Variants in GRIA1 observed in about 807,000 individuals in gnomAD.
The protein encoded by GRIA1 is glutamate receptor 1.
Under a neutral mutation model 99.2 loss-of-function variants are expected in GRIA1, and 31 were observed. The observed-to-expected ratio is 0.31, with a 90% confidence interval of 0.23 to 0.42. The LOEUF (loss-of-function observed/expected upper bound fraction) is 0.42, where lower values mean the gene tolerates loss of function less well. Among genes scored for constraint, GRIA1 ranks in the 10% least tolerant of loss-of-function variants. The probability of loss-of-function intolerance (pLI) is 1.00; values close to 1 mark genes in which losing one functional copy is unlikely to be tolerated. For synonymous variants in GRIA1, 438 were observed against 432.4 expected, an observed-to-expected ratio of 1.01 and a Z score of -0.16; for missense variants, 782 against 1,157.5, an observed-to-expected ratio of 0.68 and a Z score of 4.71.
intron 2 of GRIA1, among the ~76,000 whole-genome samples, chr5:153,541,894 C>G (rs1314053021): frequency 2.2e-5 from 3 of 137,490 alleles, no homozygotes; most frequent in African/African-American, 7.9e-5. Context: ...CACGCCACTG[C>G]ACACCAGCCG....
At chr5:153,697,700 G>A (rs1231795941) in intron 8 of GRIA1, among the ~76,000 whole-genome samples, 3 of 152,106 alleles carry the variant, frequency 2.0e-5, no homozygotes, top group East Asian at 3.8e-4. Flanking sequence ...GGGAAAGAGG[G>A]GTTTGACCCT....
intron 8 of GRIA1, among the ~76,000 whole-genome samples, chr5:153,695,159 A>T (rs1561775527): frequency 6.6e-6 from 1 of 152,274 alleles, no homozygotes; most frequent in East Asian, 1.9e-4. Flanking sequence ...TAGATCATTT[A>T]ATCTCCCTAA....
intron 2 of GRIA1, among the ~76,000 whole-genome samples, chr5:153,622,686 T>C (rs1767171662): frequency 6.6e-6 from 1 of 152,226 alleles, no homozygotes; most frequent in South Asian, 2.1e-4. Context: ...TTTTATTGAA[T>C]ATCATATCAC....
chr5:153,585,677 G>T (rs542345169), intron 2 of GRIA1, among the ~76,000 whole-genome samples: 176 of 152,132 alleles, frequency 1.2e-3, no homozygotes, highest in African/African-American at 3.9e-3. Flanking sequence ...TATAAATCAG[G>T]CTTATTGCCC....
At chr5:153,665,537 A>T (rs914891348) in intron 5 of GRIA1, among the ~76,000 whole-genome samples, 6 of 152,228 alleles carry the variant, frequency 3.9e-5, no homozygotes, top group Non-Finnish European at 5.9e-5. Flanking sequence ...CTAAAATAGG[A>T]AAATGTGAAG....
At chr5:153,492,963 A>G (rs1754066328) in intron 1 of GRIA1, among the ~76,000 whole-genome samples, 1 of 152,206 alleles carries the variant, frequency 6.6e-6, no homozygotes, top group African/African-American at 2.4e-5. Flanking sequence ...TTATGTTTGG[A>G]CTGTGATTAC....
chr5:153,638,831 A>T (rs1284074788), intron 2 of GRIA1, among the ~76,000 whole-genome samples: 1 of 152,228 alleles, frequency 6.6e-6, no homozygotes, highest in Non-Finnish European at 1.5e-5. Flanking sequence ...GGAGACTTTC[A>T]GTTTATAGCT....
chr5:153,622,614 C>T (rs1421021766), intron 2 of GRIA1, among the ~76,000 whole-genome samples: 1 of 152,216 alleles, frequency 6.6e-6, no homozygotes. Flanking sequence ...AGCTCCATAG[C>T]AGGCTTTCTT....
intron 2 of GRIA1, among the ~76,000 whole-genome samples, chr5:153,522,131 C>A (rs1435056364): frequency 6.6e-6 from 1 of 152,210 alleles, no homozygotes; most frequent in Non-Finnish European, 1.5e-5. Context: ...TGGAATTAAA[C>A]TGCCTTAGGT....
Position 153,659,789 on chromosome 5 carries a change from T to C in GRIA1, c.699+3917T>C, listed in dbSNP as rs148133530. On this transcript the variant is annotated intron_variant, in intron 5 of 15. Transcript: ENST00000285900. ...GAAAGCACATATTTTAAAATTCTCA[T>C]AGAGAACTAGAAGATTGGGAGAATT... is the stretch of plus-strand genomic sequence containing the variant. Among the ~76,000 whole-genome samples, 1,157 of 152,284 alleles carry C rather than the reference T, an allele frequency of 7.6e-3. 13 individuals are homozygous for C. The highest frequency in any genetic ancestry group is 0.039 in the East Asian group (204 of 5,186).
At chr5:153,780,994 G>A (rs56161084) in intron 13 of GRIA1, among the ~76,000 whole-genome samples, 13,351 of 152,184 alleles carry the variant, frequency 0.088, 823 homozygotes, top group Non-Finnish European at 0.12. Flanking sequence ...TCGGAGGGCA[G>A]GCAGAAAGGA....
chr5:153,532,161 A>G (rs1008105473), intron 2 of GRIA1, among the ~76,000 whole-genome samples: 6 of 152,166 alleles, frequency 3.9e-5, no homozygotes, highest in African/African-American at 1.4e-4. Context: ...AGCTGAAAGT[A>G]TGTTTTTTCC....
Position 153,650,574 on chromosome 5 carries a change from A to G in GRIA1, c.645+60A>G, listed in dbSNP as rs1754490064. On this transcript the variant is annotated intron_variant, in intron 4 of 15. Coordinates refer to ENST00000285900, the MANE Select transcript of GRIA1 (RefSeq NM_000827.4). ...GGAGGTGATTCAGGAATAGCCAGACACACTTTTGCCTTGGGTGTTATAAAG... is the reference window on the plus strand; with the variant it reads ...GGAGGTGATTCAGGAATAGCCAGACGCACTTTTGCCTTGGGTGTTATAAAG... 28 of 1,527,596 alleles carry G rather than the reference A, an allele frequency of 1.8e-5. No homozygotes were observed. The South Asian group carries it at 3.1e-4, about 17-fold the overall frequency. The allele number at this position is 1,527,596 out of a possible 1,614,324, so 94.6% of individuals were successfully genotyped here.
intron 2 of GRIA1, among the ~76,000 whole-genome samples, chr5:153,615,674 AG>A (rs546161910): frequency 6.6e-6 from 1 of 152,138 alleles, no homozygotes; most frequent in Non-Finnish European, 1.5e-5. Flanking sequence ...AAAAAATAAA[AG>A]TAAACGCCAC....
chr5:153,659,856 T>C (rs192784891), intron 5 of GRIA1, among the ~76,000 whole-genome samples: 2 of 152,318 alleles, frequency 1.3e-5, no homozygotes, highest in East Asian at 3.9e-4. Context: ...AATATTGAAT[T>C]TGTTGGACAA....
At chr5:153,745,742 A>G (rs570866551) in intron 11 of GRIA1, among the ~76,000 whole-genome samples, 31 of 152,344 alleles carry the variant, frequency 2.0e-4, no homozygotes, top group African/African-American at 7.0e-4. Flanking sequence ...GATGACTCAT[A>G]GAAGAACATC....
At chr5:153,582,311 T>C (rs1763112870) in intron 2 of GRIA1, among the ~76,000 whole-genome samples, 1 of 152,206 alleles carries the variant, frequency 6.6e-6, no homozygotes. Flanking sequence ...GTAATGTTCA[T>C]GGATCCCTAG....
At chr5:153,706,608 A>T (rs758566218) in intron 11 of GRIA1, among the ~76,000 whole-genome samples, 2 of 152,224 alleles carry the variant, frequency 1.3e-5, no homozygotes, top group Non-Finnish European at 2.9e-5. Flanking sequence ...AGAGCACTGG[A>T]TTATGAGTAA....
At chr5:153,560,938 T>C (rs1761068615) in intron 2 of GRIA1, among the ~76,000 whole-genome samples, 1 of 152,220 alleles carries the variant, frequency 6.6e-6, no homozygotes, top group African/African-American at 2.4e-5. Context: ...AGGCTGAACC[T>C]TTCTTAGCAA....
Sources: allele counts gnomAD v4.1 joint callset (sites outside exome capture counted in the v4.1 genomes callset), GRCh38; gene constraint gnomAD v4.1.1; transcripts MANE v1.5; gene names NCBI Gene and HGNC (gene_info 2026-07-23, HGNC 2026-07-21).